PSME4: variants seen among roughly 807,000 people sequenced by gnomAD.
PSME4 encodes the protein proteasome activator subunit 4.
PSME4 carries 89 observed loss-of-function variants against 253.9 expected under a neutral mutation model. The ratio of observed to expected loss-of-function variants is 0.35; its 90% CI spans 0.30 to 0.42. The LOEUF (loss-of-function observed/expected upper bound fraction) is 0.42, where lower values mean the gene tolerates loss of function less well. Ranked by LOEUF, PSME4 falls within the 10% of genes least tolerant of loss-of-function variation. PSME4 has a pLI of 1.00. For synonymous variants in PSME4, 851 were observed against 759.2 expected, an observed-to-expected ratio of 1.12 and a Z score of -1.99; for missense variants, 2,014 against 2,195.2, an observed-to-expected ratio of 0.92 and a Z score of 1.65.
intron 1 of PSME4, among the ~76,000 whole-genome samples, chr2:53,956,462 G>A (rs1010085225): frequency 1.5e-4 from 23 of 151,588 alleles, no homozygotes; most frequent in African/African-American, 5.6e-4. Flanking sequence ...CCCGGGAGGC[G>A]GAGGTTGTAG....
Position 53,892,925 on chromosome 2 carries a change from T to C in PSME4, c.4074A>G (p.Pro1358=), listed in dbSNP as rs751389645. The change falls in exon 36 of 47, where the codon CCA becomes CCG. Residue 1358 remains proline, a synonymous_variant. Transcript: ENST00000404125. ...IFRNFDDAFL[P]VLKPHLEHLV... ...AATGTTCTAAATGGGGCTTCAGAAC[T>C]GGCAGGAAGGCATCATCAAAATTCC... 5.0e-6 allele frequency: 8 copies of C among 1,613,552 alleles called. No homozygotes were observed. In the African/African-American group the frequency reaches 8.0e-5, roughly 16 times the overall value.
At chr2:53,899,753 G>T in intron 29 of PSME4, 128 bp downstream of exon 29, 1 of 1,135,194 alleles carries the variant, frequency 8.8e-7, no homozygotes, top group Non-Finnish European at 1.3e-6. Context: ...AGGAGGTGAA[G>T]GTTGCAGTGA....
chr2:53,936,193 T>C (rs769405801), intron 6 of PSME4, 32 bp from the exon 7 acceptor site: 15 of 1,611,356 alleles, frequency 9.3e-6, no homozygotes, highest in Middle Eastern at 3.3e-4. Flanking sequence ...AAAGTTAATA[T>C]ATTTGTTGTT....
intron 1 of PSME4, among the ~76,000 whole-genome samples, chr2:53,969,518 G>T (rs567101277): frequency 2.0e-5 from 3 of 152,172 alleles, no homozygotes. Flanking sequence ...TGTCTTGTGT[G>T]TTCACCCGTC....
At chr2:53,879,801 C>CAA (rs55730803) in intron 41 of PSME4, among the ~76,000 whole-genome samples, 28 of 89,902 alleles carry the variant, frequency 3.1e-4, no homozygotes, top group East Asian at 5.9e-4. Context: ...GACCCTGTCT[C>CAA]AAAAAAAAAA....
At chr2:53,933,861 G>T (rs1668976525) in intron 8 of PSME4, among the ~76,000 whole-genome samples, 1 of 152,160 alleles carries the variant, frequency 6.6e-6, no homozygotes, top group South Asian at 2.1e-4. Context: ...TGCTCCTACT[G>T]ATTAAGAAAA....
At chr2:53,934,005 G>A (rs970427167) in intron 8 of PSME4, among the ~76,000 whole-genome samples, 10 of 152,084 alleles carry the variant, frequency 6.6e-5, no homozygotes, top group Non-Finnish European at 1.0e-4. Flanking sequence ...AAGCTAACGT[G>A]TAAAACAGAA....
chr2:53,951,694 G>A (rs1670004424), intron 1 of PSME4, among the ~76,000 whole-genome samples: 1 of 152,162 alleles, frequency 6.6e-6, no homozygotes, highest in South Asian at 2.1e-4. Context: ...ACACTCAAAG[G>A]AAATGCTCAT....
intron 1 of PSME4, among the ~76,000 whole-genome samples, chr2:53,960,371 C>T (rs536549969): frequency 1.9e-4 from 29 of 149,624 alleles, no homozygotes; most frequent in African/African-American, 7.2e-4. Flanking sequence ...TGTACTCCAG[C>T]CTGGGCAACA....
intron 1 of PSME4, among the ~76,000 whole-genome samples, chr2:53,961,695 G>A (rs962372343): frequency 6.6e-6 from 1 of 151,962 alleles, no homozygotes; most frequent in African/African-American, 2.4e-5. Context: ...GGGGGAAGGG[G>A]GATGTTTGAA....
intron 14 of PSME4, among the ~76,000 whole-genome samples, chr2:53,925,278 G>C (rs532128473): frequency 2.0e-5 from 3 of 152,308 alleles, no homozygotes; most frequent in African/African-American, 7.2e-5. Flanking sequence ...AGAACACATG[G>C]CATATGTGAG....
At chr2:53,909,873 A>G (rs1667752092) in intron 21 of PSME4, among the ~76,000 whole-genome samples, 1 of 152,078 alleles carries the variant, frequency 6.6e-6, no homozygotes, top group Non-Finnish European at 1.5e-5. Context: ...GGAGCAGGAG[A>G]ATCGTTTGAA....
Position 53,887,874 on chromosome 2 carries a change from T to C in PSME4, c.4504A>G (p.Arg1502Gly). ...AGTACCTACCTTCCTATTCTTTCTC[T>C]GACATTTTTGTAAACCTGGGTGAGT... ...PKLTQVYKNV[R>G]ERIGSVLTYI... Residue 1502 changes from arginine to glycine, a missense_variant, in exon 39 of 47, where the codon AGA becomes GGA. This residue lies in a region of PSME4 where 403 missense variants were observed against 556.1 expected (regional missense o/e 0.72). Transcript: ENST00000404125. 1 of 1,599,606 alleles carries C rather than the reference T, an allele frequency of 6.3e-7. No homozygotes were observed. Among genetic ancestry groups the C allele is most frequent in the African/African-American group, 1.3e-5 (1 of 74,694 alleles).
rs1252893698 is a variant in PSME4, at chr2:53,906,842, T to C, written c.2811A>G (p.Arg937=). The part of the protein sequence containing the change: ...NRLHGKKQHI[R]ALLIDRVMLQ... ...ACATTACTCTATCAATCAACAGTGC[T>C]CTGATATGTTGTTTTTTCCCATGGA... is the stretch of plus-strand genomic sequence containing the variant. The change falls in exon 25 of 47, where the codon AGA becomes AGG. Residue 937 remains arginine, a synonymous_variant. Transcript: ENST00000404125. 1 of 1,613,710 alleles carries C rather than the reference T, an allele frequency of 6.2e-7. No individual in the cohort carries two copies. The highest frequency in any genetic ancestry group is 2.2e-5 in the East Asian group (1 of 44,852).
intron 10 of PSME4, among the ~76,000 whole-genome samples, chr2:53,931,073 T>G (rs1166462774): frequency 6.6e-6 from 1 of 151,866 alleles, no homozygotes; most frequent in Non-Finnish European, 1.5e-5. Flanking sequence ...AGGTCAGGAG[T>G]TCGAAACCAG....
intron 1 of PSME4, among the ~76,000 whole-genome samples, chr2:53,959,769 T>G (rs1670398908): frequency 1.3e-5 from 2 of 152,140 alleles, no homozygotes; most frequent in Non-Finnish European, 2.9e-5. Context: ...TTTCATAAAC[T>G]CACCTCCCCT....
At chr2:53,898,025 C>T (rs777272767) in intron 30 of PSME4, 26 bp from the exon 31 acceptor site, 29 of 1,597,508 alleles carry the variant, frequency 1.8e-5, no homozygotes, top group African/African-American at 5.4e-5. Context: ...AATAACAAAG[C>T]ATATCACACA....
intron 41 of PSME4, among the ~76,000 whole-genome samples, chr2:53,883,251 C>T (rs1189905236): frequency 6.6e-6 from 1 of 152,186 alleles, no homozygotes; most frequent in African/African-American, 2.4e-5. Context: ...TAGTAGCTCA[C>T]ACCTGTAATC....
At chr2:53,902,238 AATTT>A (rs1204905356) in intron 27 of PSME4, among the ~76,000 whole-genome samples, 2 of 152,224 alleles carry the variant, frequency 1.3e-5, no homozygotes, top group Non-Finnish European at 2.9e-5. Context: ...TGTTTGAAAT[AATTT>A]ATTAAATATT....
Sources: gnomAD v4.1 joint callset for allele counts (sites outside exome capture counted in the v4.1 genomes callset) on GRCh38, gnomAD v4.1.1 for gene constraint, gnomAD v4.1.1 regional missense constraint, MANE v1.5 for transcripts, NCBI Gene and HGNC (gene_info 2026-07-23, HGNC 2026-07-21) for gene names.